Variants in SNX5 observed in about 807,000 individuals in gnomAD.
SNX5 encodes the protein sorting nexin 5.
A neutral mutation model predicts 53.9 loss-of-function variants in SNX5; 31 were observed. The observed-to-expected ratio is 0.58, with a 90% CI of 0.43 to 0.78. The LOEUF (loss-of-function observed/expected upper bound fraction) is 0.78, where lower values mean the gene tolerates loss of function less well. Ranked by LOEUF, SNX5 falls within the 30% of genes least tolerant of loss-of-function variation. The probability of loss-of-function intolerance (pLI) is 0.00; values close to 1 mark genes in which losing one functional copy is unlikely to be tolerated. For missense variants in SNX5, 471 were observed against 478.8 expected (o/e 0.98, Z 0.15); for synonymous variants, 168 against 171.1 (o/e 0.98, Z 0.14).
intron 11 of SNX5, 30 bp downstream of exon 11, chr20:17,947,456 C>A (rs1431881467): frequency 6.3e-7 from 1 of 1,598,018 alleles, no homozygotes; most frequent in Admixed American, 1.8e-5. Context: ...TTTCAAATTA[C>A]AGTACAGAAA....
At chr20:17,950,450 GCC>G in intron 6 of SNX5, 54 bp from the exon 7 acceptor site, 1 of 994,416 alleles carries the variant, frequency 1.0e-6, no homozygotes, top group Non-Finnish European at 1.6e-6. Context: ...TATCCCTGCA[GCC>G]TTTTACATTT....
At chr20:17,965,600 G>C (rs2035524319) in intron 1 of SNX5, among the ~76,000 whole-genome samples, 1 of 151,370 alleles carries the variant, frequency 6.6e-6, no homozygotes, top group Admixed American at 6.6e-5. Flanking sequence ...GAGCTCCCCA[G>C]GTCGAGGCTG....
intron 1 of SNX5, among the ~76,000 whole-genome samples, chr20:17,957,279 C>CA (rs2035377739): frequency 6.6e-6 from 1 of 151,716 alleles, no homozygotes; most frequent in Admixed American, 6.6e-5. Context: ...ACTAAAAATA[C>CA]AAAAAATTAG....
chr20:17,955,295 TAA>T (rs769142458), intron 3 of SNX5, 68 bp downstream of exon 3: 5 of 1,074,730 alleles, frequency 4.7e-6, no homozygotes, highest in African/African-American at 1.6e-5. Context: ...AAAGTGGATA[TAA>T]GTCTCTTTTA....
Position 17,957,174 on chromosome 20 carries a change from C to T in SNX5, c.52-137G>A, listed in dbSNP as rs2035376219. Reference sequence around the variant, plus strand: ...AGTTGAGCTGGGCGCGGCGGCTCACCCCTGTAATCCCAGCACTTTGGGAGG... The same window carrying T: ...AGTTGAGCTGGGCGCGGCGGCTCACTCCTGTAATCCCAGCACTTTGGGAGG... On this transcript the variant is annotated intron_variant, in intron 1 of 12. Transcript: ENST00000377759. 3 of 637,422 alleles carry T rather than the reference C, an allele frequency of 4.7e-6. No homozygotes were observed. In the African/African-American group the frequency reaches 5.4e-5, roughly 11 times the overall value. 39.5% of individuals were successfully genotyped at this position (637,422 alleles called of 1,614,324 possible).
intron 11 of SNX5, among the ~76,000 whole-genome samples, chr20:17,946,679 A>T (rs993634278): frequency 1.3e-5 from 2 of 152,240 alleles, no homozygotes; most frequent in Admixed American, 6.5e-5. Flanking sequence ...CAATCGTCAG[A>T]GTAACAGCTG....
intron 5 of SNX5, 105 bp from the exon 6 acceptor site, chr20:17,951,700 C>T (rs975851965): frequency 9.6e-6 from 7 of 731,746 alleles, no homozygotes; most frequent in South Asian, 3.6e-5. Flanking sequence ...TCAGTACAGG[C>T]AAATGCATAA....
chr20:17,942,839 C>A, intron 12 of SNX5: 1 of 397,610 alleles, frequency 2.5e-6, no homozygotes, highest in Non-Finnish European at 4.5e-6. Flanking sequence ...AGGTGGATCA[C>A]CTGAGGTCAG....
chr20:17,956,848 A>G, intron 2 of SNX5, 85 bp downstream of exon 2: 1 of 777,784 alleles, frequency 1.3e-6, no homozygotes, highest in Non-Finnish European at 2.3e-6. Flanking sequence ...AACTGTTTCA[A>G]GCTCAGGGAA....
chr20:17,949,202 T>G, intron 8 of SNX5, 99 bp from the exon 9 acceptor site: 1 of 926,938 alleles, frequency 1.1e-6, no homozygotes, highest in Non-Finnish European at 1.7e-6. Flanking sequence ...TCAGGAGTCC[T>G]AGCCTTTGGT....
At chr20:17,945,209 G>C (rs76716947) in intron 11 of SNX5, 9,014 of 152,094 alleles carry the variant, frequency 0.059, 381 homozygotes, top group Non-Finnish European at 0.084. Flanking sequence ...GTGAAGATAA[G>C]CTCCCTGCCT....
chr20:17,953,853 C>T (rs951450147), intron 4 of SNX5, 143 bp downstream of exon 4: 4 of 654,062 alleles, frequency 6.1e-6, no homozygotes. Flanking sequence ...AGATGTATTA[C>T]TAGTTTTAGA....
At chr20:17,955,130 C>T (rs1345452623) in intron 3 of SNX5, among the ~76,000 whole-genome samples, 1 of 152,162 alleles carries the variant, frequency 6.6e-6, no homozygotes, top group African/African-American at 2.4e-5. Context: ...AGACTAAAGT[C>T]ATTACACTGT....
intron 1 of SNX5, chr20:17,961,328 T>C: frequency 3.8e-5 from 37 of 985,420 alleles, no homozygotes; most frequent in South Asian, 4.7e-5. Flanking sequence ...CCTGGATGAC[T>C]GAACAACACA....
At chr20:17,968,072 AAAG>A (rs2035587294) in intron 1 of SNX5, 1 of 398,662 alleles carries the variant, frequency 2.5e-6, no homozygotes, top group East Asian at 3.6e-5. Flanking sequence ...AAAGTTTTAA[AAAG>A]AACATTCCGG....
intron 1 of SNX5, chr20:17,968,006 T>A (rs1245130557): frequency 2.5e-6 from 1 of 398,100 alleles, no homozygotes; most frequent in Non-Finnish European, 4.4e-6. Flanking sequence ...ACCAAACTGG[T>A]CTGTCGCATG....
chr20:17,954,052 T>G lies in SNX5; in HGVS notation c.333A>C (p.Glu111Asp). 1 of 1,614,014 alleles carries G rather than the reference T, an allele frequency of 6.2e-7. No homozygotes were observed. The highest frequency in any genetic ancestry group is 8.5e-7 in the Non-Finnish European group (1 of 1,179,894). Residue 111 changes from glutamate (E) to aspartate (D), a missense_variant, in exon 4 of 13, where the codon GAA (glutamate) becomes GAC (aspartate). Coordinates refer to ENST00000377759, the MANE Select transcript of SNX5 (RefSeq NM_014426.4). Reference sequence around the variant, plus strand: ...CTTCTTTGGTCATAGACCCTTCACCTTCTCCCAGTTTCTGCATCTTCTCTC... The same window carrying G: ...CTTCTTTGGTCATAGACCCTTCACCGTCTCCCAGTTTCTGCATCTTCTCTC... ...GPREKMQKLG[E>D]GEGSMTKEEF...
intron 1 of SNX5, among the ~76,000 whole-genome samples, chr20:17,960,817 C>T (rs985284945): frequency 6.6e-6 from 1 of 151,794 alleles, no homozygotes; most frequent in Admixed American, 6.6e-5. Flanking sequence ...CCCAACAACC[C>T]AGCCTGAGCA....
At position 17,957,161 on chromosome 20, in the gene SNX5, C is replaced by T. The variant is rs571420620; in HGVS notation, c.52-124G>A. On this transcript the variant is annotated intron_variant, in intron 1 of 12. Coordinates refer to ENST00000377759, the MANE Select transcript of SNX5 (RefSeq NM_014426.4). Reference sequence around the variant, plus strand: ...ATTTAGAAATGTCAGTTGAGCTGGGCGCGGCGGCTCACCCCTGTAATCCCA... The same window carrying T: ...ATTTAGAAATGTCAGTTGAGCTGGGTGCGGCGGCTCACCCCTGTAATCCCA... 6.2e-5 allele frequency: 41 copies of T among 658,020 alleles called. 1 individual carries two copies. The highest frequency in any genetic ancestry group is 5.8e-4 in the South Asian group (34 of 58,708). The allele number at this position is 658,020 out of a possible 1,614,324, so 40.8% of individuals were successfully genotyped here. A position where few individuals can be genotyped will look rare whatever the true frequency, so the allele number is the denominator to read the frequency against.
Sources: allele counts gnomAD v4.1 joint callset (sites outside exome capture counted in the v4.1 genomes callset), GRCh38; gene constraint gnomAD v4.1.1; transcripts MANE v1.5; gene names NCBI Gene and HGNC (gene_info 2026-07-23, HGNC 2026-07-21).